The following TMEM132C variants were observed in gnomAD, a reference collection of about 807,000 sequenced individuals.
TMEM132C encodes transmembrane protein 132C.
Under a neutral mutation model 61.4 loss-of-function variants are expected in TMEM132C, and 29 were observed. The observed-to-expected ratio is 0.47, with a 90% CI of 0.35 to 0.64. The LOEUF is 0.64. Among genes scored for constraint, TMEM132C ranks in the 30% least tolerant of loss-of-function variants. TMEM132C has a pLI of 0.00. For synonymous variants in TMEM132C, 656 were observed against 633.1 expected (o/e 1.04, Z -0.54); for missense variants, 1,408 against 1,476.9 (o/e 0.95, Z 0.76).
chr12:128,420,876 A>G (rs749460295), intron 2 of TMEM132C, among the ~76,000 whole-genome samples: 6 of 152,246 alleles, frequency 3.9e-5, no homozygotes, highest in Non-Finnish European at 7.3e-5. Context: ...ATACTTTAAT[A>G]CTTAAAATCA....
intron 1 of TMEM132C, among the ~76,000 whole-genome samples, chr12:128,318,674 A>G (rs1352225736): frequency 6.6e-6 from 1 of 152,218 alleles, no homozygotes; most frequent in Admixed American, 6.5e-5. Context: ...AATAAAAACC[A>G]GTATTTCATT....
At chr12:128,541,150 AT>A (rs1873733854) in intron 2 of TMEM132C, among the ~76,000 whole-genome samples, 1 of 152,142 alleles carries the variant, frequency 6.6e-6, no homozygotes, top group East Asian at 1.9e-4. Flanking sequence ...ACATTTACTT[AT>A]GTTGACTGGT....
intron 1 of TMEM132C, among the ~76,000 whole-genome samples, chr12:128,284,869 C>T (rs1039773483): frequency 6.6e-5 from 10 of 152,204 alleles, no homozygotes; most frequent in African/African-American, 2.4e-4. Flanking sequence ...AGCATGGTGT[C>T]TCATGCCTGT....
At chr12:128,629,928 T>C (rs1954052103) in intron 4 of TMEM132C, among the ~76,000 whole-genome samples, 2 of 149,836 alleles carry the variant, frequency 1.3e-5, no homozygotes, top group African/African-American at 2.5e-5. Flanking sequence ...ATCACTTCAT[T>C]GCACTCTAGC....
At chr12:128,445,104 C>A (rs1396505585) in intron 2 of TMEM132C, among the ~76,000 whole-genome samples, 1 of 151,970 alleles carries the variant, frequency 6.6e-6, no homozygotes. Flanking sequence ...GAAATTAATT[C>A]TTGAACTGTT....
chr12:128,466,259 C>G (rs1281588564), intron 2 of TMEM132C, among the ~76,000 whole-genome samples: 2 of 152,126 alleles, frequency 1.3e-5, no homozygotes, highest in Admixed American at 6.5e-5. Flanking sequence ...TCCAAGTTGT[C>G]CTTGAAGAGA....
rs960422898 is a variant in TMEM132C at position 128,391,874 on chromosome 12, G to A, written c.86-22858G>A. 3.3e-5 allele frequency among the ~76,000 whole-genome samples: 5 copies of A among 152,198 alleles called. No individual in the cohort carries two copies. The East Asian group carries it at 5.8e-4, about 18-fold the overall frequency. ...TGCCGTCTGCTTTTATATGGCCTTC[G>A]AACTAAGAATAGTCTTTATATTTTT... is the stretch of plus-strand genomic sequence containing the variant. On this transcript the variant is annotated intron_variant, in intron 1 of 8. Coordinates refer to ENST00000435159, the MANE Select transcript of TMEM132C (RefSeq NM_001136103.3).
In TMEM132C at chr12:128,536,284, C is replaced by T. The variant is rs538127451; in HGVS notation, c.975-7673C>T. ...GAAACCATCATTCTGAGCAAACTAT[C>T]GCAAGGACAGAAAACCAAACACCGC... On this transcript the variant is annotated intron_variant, in intron 2 of 8. Transcript: ENST00000435159. 7.2e-5 allele frequency among the ~76,000 whole-genome samples: 11 copies of T among 152,124 alleles called. 1 individual carries two copies. In the South Asian group the frequency reaches 1.7e-3, roughly 23 times the overall value.
At chr12:128,704,233 C>T (rs747044468) in intron 8 of TMEM132C, among the ~76,000 whole-genome samples, 7 of 152,176 alleles carry the variant, frequency 4.6e-5, no homozygotes, top group African/African-American at 1.4e-4. Context: ...TAAAATAAGC[C>T]AGGCACATAA....
intron 4 of TMEM132C, among the ~76,000 whole-genome samples, chr12:128,666,714 T>A (rs1403549790): frequency 6.6e-6 from 1 of 152,242 alleles, no homozygotes; most frequent in Non-Finnish European, 1.5e-5. Context: ...TACAGGGAAC[T>A]TCCTCCATGT....
intron 1 of TMEM132C, among the ~76,000 whole-genome samples, chr12:128,345,567 C>T (rs1340151391): frequency 2.6e-5 from 4 of 152,180 alleles, no homozygotes; most frequent in Admixed American, 2.6e-4. Context: ...ACAGTCTCGC[C>T]TCCGTCTGTT....
chr12:128,664,641 A>G (rs1480706654), intron 4 of TMEM132C, among the ~76,000 whole-genome samples: 2 of 152,218 alleles, frequency 1.3e-5, no homozygotes, highest in Non-Finnish European at 2.9e-5. Flanking sequence ...TTCAGGAAGC[A>G]GGCTGCCTTC....
rs531807433 is a variant in TMEM132C, at chr12:128,395,784, A to G, written c.86-18948A>G. The stretch of plus-strand genomic sequence containing the variant: ...ATAAAGTAGAAAAATCCTACGTTGC[A>G]GTATCCTAAGTTGGGGACCAACTGC... On this transcript the variant is annotated intron_variant, in intron 1 of 8. Transcript: ENST00000435159. Among the ~76,000 whole-genome samples the G allele has an allele frequency of 1.6e-4, 24 of 152,166 alleles. No homozygotes were observed. The Middle Eastern group carries it at 0.017, about 108-fold the overall frequency.
chr12:128,306,450 C>T (rs1412009379), intron 1 of TMEM132C, among the ~76,000 whole-genome samples: 1 of 152,118 alleles, frequency 6.6e-6, no homozygotes, highest in Non-Finnish European at 1.5e-5. Context: ...GATCTGCCCA[C>T]CTCGGCCTCC....
intron 1 of TMEM132C, among the ~76,000 whole-genome samples, chr12:128,400,995 C>T (rs768473637): frequency 3.3e-5 from 5 of 152,116 alleles, no homozygotes; most frequent in Admixed American, 2.0e-4. Flanking sequence ...CTGAGAATCA[C>T]GGGTTTAGGC....
At chr12:128,604,615 A>T (rs1876344615) in intron 3 of TMEM132C, among the ~76,000 whole-genome samples, 1 of 151,860 alleles carries the variant, frequency 6.6e-6, no homozygotes, top group Admixed American at 6.5e-5. Flanking sequence ...CTAGATAGAT[A>T]AAAAATGGAT....
chr12:128,337,171 G>A (rs1872812122), intron 1 of TMEM132C, among the ~76,000 whole-genome samples: 1 of 151,624 alleles, frequency 6.6e-6, no homozygotes, highest in Admixed American at 6.6e-5. Context: ...TTTTTTTCAT[G>A]GTCTCTGATC....
intron 1 of TMEM132C, among the ~76,000 whole-genome samples, chr12:128,340,847 C>CTG (rs1555218706): frequency 7.0e-6 from 1 of 142,038 alleles, no homozygotes; most frequent in African/African-American, 2.7e-5. Context: ...CTCTCTTTCT[C>CTG]TCTTTCTTTC....
At chr12:128,680,462 A>T (rs1381039421) in intron 5 of TMEM132C, among the ~76,000 whole-genome samples, 2 of 152,230 alleles carry the variant, frequency 1.3e-5, no homozygotes, top group African/African-American at 4.8e-5. Flanking sequence ...GCTGCCCAGT[A>T]TGACAGCTGC....
Sources: allele counts gnomAD v4.1 joint callset (sites outside exome capture counted in the v4.1 genomes callset), GRCh38; gene constraint gnomAD v4.1.1; transcripts MANE v1.5; gene names NCBI Gene and HGNC (gene_info 2026-07-23, HGNC 2026-07-21).